Variants in NKAIN3 observed in about 807,000 individuals in gnomAD.
NKAIN3 encodes the protein sodium/potassium transporting ATPase interacting 3, also known as sodium/potassium-transporting ATPase subunit beta-1-interacting protein 3.
In NKAIN3, 25 loss-of-function variants were observed where a neutral mutation model predicts 30.2. The ratio of observed to expected loss-of-function variants is 0.83; its 90% CI spans 0.60 to 1.16. The LOEUF is 1.16. Among genes scored for constraint, NKAIN3 ranks in the 50% most tolerant of loss-of-function variants. NKAIN3 has a pLI of 0.00. For missense variants in NKAIN3, 225 were observed against 254.1 expected (o/e 0.89, Z 0.78); for synonymous variants, 91 against 89.6 (o/e 1.02, Z -0.09).
At chr8:62,537,345 G>A (rs28647803) in intron 1 of NKAIN3, among the ~76,000 whole-genome samples, 1 of 152,076 alleles carries the variant, frequency 6.6e-6, no homozygotes, top group Non-Finnish European at 1.5e-5. Flanking sequence ...TACCAATAAG[G>A]TTTAAAATAT....
intron 3 of NKAIN3, among the ~76,000 whole-genome samples, chr8:62,652,069 C>T (rs1812638757): frequency 6.6e-6 from 1 of 152,076 alleles, no homozygotes; most frequent in Non-Finnish European, 1.5e-5. Context: ...CAAGGAAGCT[C>T]TCTAGGGTCT....
At chr8:62,659,060 A>G (rs1368367150) in intron 3 of NKAIN3, among the ~76,000 whole-genome samples, 2 of 152,158 alleles carry the variant, frequency 1.3e-5, no homozygotes, top group African/African-American at 4.8e-5. Context: ...CCAGGTGCCC[A>G]TTTTAGTCAG....
At chr8:62,621,654 G>C (rs1811621270) in intron 3 of NKAIN3, among the ~76,000 whole-genome samples, 1 of 152,040 alleles carries the variant, frequency 6.6e-6, no homozygotes, top group Non-Finnish European at 1.5e-5. Flanking sequence ...ACATGCAGTT[G>C]CATGAAATAA....
intron 6 of NKAIN3, among the ~76,000 whole-genome samples, chr8:62,962,091 C>A (rs1040083162): frequency 6.6e-6 from 1 of 152,178 alleles, no homozygotes; most frequent in African/African-American, 2.4e-5. Flanking sequence ...CATGCACATA[C>A]ATGTTTACTA....
intron 3 of NKAIN3, among the ~76,000 whole-genome samples, chr8:62,699,748 C>T (rs916417827): frequency 3.5e-4 from 53 of 152,232 alleles, no homozygotes; most frequent in African/African-American, 1.2e-3. Flanking sequence ...TGGAATTCCA[C>T]AGAAGGGTAA....
chr8:62,574,881 C>A (rs1470489145), intron 1 of NKAIN3, among the ~76,000 whole-genome samples: 2 of 151,832 alleles, frequency 1.3e-5, no homozygotes, highest in African/African-American at 4.8e-5. Context: ...ATGATCATTT[C>A]AATTAATGCT....
At chr8:62,533,972 A>G (rs1006605232) in intron 1 of NKAIN3, among the ~76,000 whole-genome samples, 48 of 152,272 alleles carry the variant, frequency 3.2e-4, no homozygotes, top group Admixed American at 1.3e-4. Flanking sequence ...AGGACACTGC[A>G]AGTCCCTTTC....
intron 1 of NKAIN3, among the ~76,000 whole-genome samples, chr8:62,407,392 T>C (rs1804104946): frequency 7.3e-6 from 1 of 136,362 alleles, no homozygotes; most frequent in South Asian, 2.3e-4. Flanking sequence ...CTGACAAGAC[T>C]AGATAGTTGT....
intron 4 of NKAIN3, chr8:62,855,416 G>T: frequency 1.0e-6 from 1 of 959,972 alleles, no homozygotes; most frequent in Non-Finnish European, 1.7e-6. Context: ...GCTGATATTG[G>T]CCTTCAGCTC....
chr8:62,817,012 C>G (rs1444703385), intron 4 of NKAIN3, among the ~76,000 whole-genome samples: 1 of 152,140 alleles, frequency 6.6e-6, no homozygotes, highest in East Asian at 1.9e-4. Flanking sequence ...CTTCTCCTCA[C>G]AATGGGGAGC....
At chr8:62,365,103 T>C (rs1816696913) in intron 1 of NKAIN3, among the ~76,000 whole-genome samples, 1 of 152,154 alleles carries the variant, frequency 6.6e-6, no homozygotes, top group African/African-American at 2.4e-5. Context: ...AAAATCTAGA[T>C]GCCTTCTTAT....
At chr8:62,255,039 G>A (rs1385369662) in intron 1 of NKAIN3, among the ~76,000 whole-genome samples, 1 of 152,114 alleles carries the variant, frequency 6.6e-6, no homozygotes, top group Non-Finnish European at 1.5e-5. Context: ...ATACATTGAA[G>A]TCCTAACTCC....
intron 4 of NKAIN3, among the ~76,000 whole-genome samples, chr8:62,763,221 CAAAAAAAAAAAAAAAAAAAAAAAAAAA>C (rs55873861): frequency 6.4e-5 from 3 of 47,162 alleles, no homozygotes; most frequent in Non-Finnish European, 1.4e-4. Flanking sequence ...GACTCCGTCT[CAAAAAAAAAAAAAAAAAAAAAAAAAAA>C]AAAAAAAAAA....
At chr8:62,867,539 A>G (rs992095107) in intron 4 of NKAIN3, among the ~76,000 whole-genome samples, 30 of 152,200 alleles carry the variant, frequency 2.0e-4, no homozygotes, top group Non-Finnish European at 4.3e-4. Flanking sequence ...TGATTGACCA[A>G]TGTCTGTCAT....
intron 1 of NKAIN3, among the ~76,000 whole-genome samples, chr8:62,540,579 A>T (rs1270936337): frequency 2.6e-5 from 4 of 152,194 alleles, no homozygotes; most frequent in Admixed American, 1.3e-4. Context: ...TGGCTCTTCT[A>T]TAAATTTTAT....
Position 62,967,636 on chromosome 8 carries a change from A to G in NKAIN3, c.*2229A>G, listed in dbSNP as rs921834. Among the ~76,000 whole-genome samples, 27,758 of 152,176 alleles carry G rather than the reference A, an allele frequency of 0.18. 2,692 individuals are homozygous for G. The highest frequency in any genetic ancestry group is 0.29 in the East Asian group (1,520 of 5,180). On this transcript the variant is annotated 3_prime_UTR_variant, in exon 7 of 7. Coordinates refer to ENST00000623646, the MANE Select transcript of NKAIN3 (RefSeq NM_001304533.3). ...AAAAATGCTTTAATTTAAAAATAAC[A>G]TTAATATTCAAGTTCCAAAACTAAT... is the stretch of plus-strand genomic sequence containing the variant.
At chr8:62,665,365 A>AT (rs1404693557) in intron 3 of NKAIN3, among the ~76,000 whole-genome samples, 2 of 151,366 alleles carry the variant, frequency 1.3e-5, no homozygotes, top group Non-Finnish European at 2.9e-5. Context: ...GAGATTTACC[A>AT]TAAAAAAAAA....
At chr8:62,654,609 A>G (rs574969502) in intron 3 of NKAIN3, among the ~76,000 whole-genome samples, 4 of 152,326 alleles carry the variant, frequency 2.6e-5, no homozygotes, top group African/African-American at 9.6e-5. Context: ...CTAGAGGACA[A>G]TGGTAGTGTC....
chr8:62,532,413 G>GCC (rs145981172), intron 1 of NKAIN3, among the ~76,000 whole-genome samples: 135,741 of 151,846 alleles, frequency 0.89, 60,866 homozygotes, highest in Middle Eastern at 0.95. Context: ...TTGTCCTGAA[G>GCC]CCCTGGCTGC....
Sources: allele counts gnomAD v4.1 joint callset (sites outside exome capture counted in the v4.1 genomes callset), GRCh38; gene constraint gnomAD v4.1.1; transcripts MANE v1.5; gene names NCBI Gene and HGNC (gene_info 2026-07-23, HGNC 2026-07-21).